The following AKNAD1 variants were observed in gnomAD, a reference collection of about 807,000 sequenced individuals.
The protein encoded by AKNAD1 is protein AKNAD1.
A neutral mutation model predicts 90.8 loss-of-function variants in AKNAD1; 67 were observed. The observed-to-expected ratio is 0.74, with a 90% CI of 0.61 to 0.90. The LOEUF (loss-of-function observed/expected upper bound fraction) is 0.90, where lower values mean the gene tolerates loss of function less well. Ranked by LOEUF, AKNAD1 falls within the 40% of genes least tolerant of loss-of-function variation. The probability of loss-of-function intolerance (pLI) is 0.00; values close to 1 mark genes in which losing one functional copy is unlikely to be tolerated. For synonymous variants in AKNAD1, 327 were observed against 341.4 expected (o/e 0.96, Z 0.46); for missense variants, 957 against 975.4 (o/e 0.98, Z 0.25).
chr1:108,851,455 ATT>A (rs1186313276), intron 2 of AKNAD1, among the ~76,000 whole-genome samples: 1 of 152,038 alleles, frequency 6.6e-6, no homozygotes, highest in African/African-American at 2.4e-5. Flanking sequence ...CGGAATTTGG[ATT>A]TTATTCTCTT....
At position 108,823,355 on chromosome 1, in the gene AKNAD1, A is replaced by G; in HGVS notation, c.2167+15T>C. On this transcript the variant is annotated intron_variant, in intron 13 of 15. Coordinates refer to ENST00000370001, the MANE Select transcript of AKNAD1 (RefSeq NM_152763.5). ...GTTGTTGATATGGATGGGGTCATGC[A>G]GGAGATGTACTTACAGGGTGAAGAG... 6.4e-7 allele frequency: 1 copy of G among 1,561,998 alleles called. No homozygotes were observed. The highest frequency in any genetic ancestry group is 8.8e-7 in the Non-Finnish European group (1 of 1,132,364).
At chr1:108,829,252 G>T (rs11102515) in intron 10 of AKNAD1, among the ~76,000 whole-genome samples, 43,545 of 151,246 alleles carry the variant, frequency 0.29, 7,126 homozygotes, top group African/African-American at 0.41. Context: ...ACACTTGGTT[G>T]TGCTTGTCTT....
At position 108,851,743 on chromosome 1, in the gene AKNAD1, C is replaced by G; in HGVS notation, c.922G>C (p.Glu308Gln). The G allele has an allele frequency of 6.2e-7, 1 of 1,610,254 alleles. No homozygotes were observed. The highest frequency in any genetic ancestry group is 8.5e-7 in the Non-Finnish European group (1 of 1,179,030). ...LVQDSLETTPESNCVEKQHQE... is the reference protein window; with the variant it reads ...LVQDSLETTPQSNCVEKQHQE... Reference sequence around the variant, plus strand: ...TGTTGTTTTTCAACACAGTTTGACTCAGGCGTGGTTTCTAGACTATCTTGC... The same window carrying G: ...TGTTGTTTTTCAACACAGTTTGACTGAGGCGTGGTTTCTAGACTATCTTGC... The change falls in exon 2 of 16, where the codon GAG (glutamate) becomes CAG (glutamine). Residue 308 changes from glutamate to glutamine, a missense_variant. Glu to Gln is a conservative substitution (Grantham distance 29). Transcript: ENST00000370001.
At chr1:108,844,864 G>A (rs1664658250) in intron 5 of AKNAD1, among the ~76,000 whole-genome samples, 2 of 151,168 alleles carry the variant, frequency 1.3e-5, no homozygotes, top group African/African-American at 2.4e-5. Flanking sequence ...TGTCACCCAG[G>A]CTGGAGTGCA....
rs961305569 is a variant in AKNAD1, at chr1:108,834,495, G to A, written c.1698C>T (p.Ala566=). ...YLNGHYGDAA[A]QNKPDQVAMR... ...TGGCCACTTGGTCTGGCTTGTTCTGGGCAGCTGCATCTCCATAATGACCGT... is the reference window on the plus strand; with the variant it reads ...TGGCCACTTGGTCTGGCTTGTTCTGAGCAGCTGCATCTCCATAATGACCGT... Residue 566 remains alanine, a synonymous_variant, in exon 9 of 16, where the codon GCC becomes GCT. Coordinates refer to ENST00000370001, the MANE Select transcript of AKNAD1 (RefSeq NM_152763.5). 3.7e-6 allele frequency: 6 copies of A among 1,610,454 alleles called. No homozygotes were observed. The Admixed American group carries it at 8.4e-5, about 23-fold the overall frequency.
chr1:108,834,574 T>A, intron 8 of AKNAD1, 46 bp from the exon 9 acceptor site: 1 of 1,513,922 alleles, frequency 6.6e-7, no homozygotes, highest in Non-Finnish European at 8.9e-7. Flanking sequence ...GAATCAGTTC[T>A]TGAGCTACCT....
chr1:108,849,679 T>A, intron 2 of AKNAD1, 103 bp from the exon 3 acceptor site: 2 of 845,152 alleles, frequency 2.4e-6, no homozygotes, highest in Admixed American at 4.3e-5. Flanking sequence ...GGAGCCCAGG[T>A]TTGCAGTCAA....
At chr1:108,832,530 GC>G (rs1279251624) in intron 9 of AKNAD1, among the ~76,000 whole-genome samples, 6 of 152,138 alleles carry the variant, frequency 3.9e-5, no homozygotes, top group Non-Finnish European at 5.9e-5. Context: ...CGGCCAGTAT[GC>G]TTGTGTTCTT....
intron 5 of AKNAD1, 89 bp downstream of exon 5, chr1:108,848,663 T>TAG (rs1187483515): frequency 8.4e-7 from 1 of 1,196,388 alleles, no homozygotes; most frequent in Non-Finnish European, 1.2e-6. Context: ...CCCACCACTG[T>TAG]AGAGAAAACA....
At chr1:108,832,615 T>A (rs776836731) in intron 9 of AKNAD1, among the ~76,000 whole-genome samples, 2 of 152,236 alleles carry the variant, frequency 1.3e-5, no homozygotes, top group Non-Finnish European at 1.5e-5. Context: ...GAACATTATT[T>A]GCCCTTAATA....
At chr1:108,832,863 C>T (rs530084084) in intron 9 of AKNAD1, among the ~76,000 whole-genome samples, 3 of 152,300 alleles carry the variant, frequency 2.0e-5, no homozygotes, top group African/African-American at 7.2e-5. Context: ...GGGACACCAA[C>T]ATTCCCACGC....
chr1:108,837,772 A>G, intron 6 of AKNAD1, 66 bp from the exon 7 acceptor site: 3 of 1,524,908 alleles, frequency 2.0e-6, no homozygotes, highest in Non-Finnish European at 2.7e-6. Context: ...TAATAATGAC[A>G]GTTCTTGAAT....
intron 5 of AKNAD1, among the ~76,000 whole-genome samples, chr1:108,847,414 C>T (rs996943921): frequency 6.6e-6 from 1 of 150,384 alleles, no homozygotes; most frequent in Non-Finnish European, 1.5e-5. Flanking sequence ...CACCACTGCA[C>T]TCTAGCATGA....
chr1:108,831,472 C>T (rs372032134), intron 9 of AKNAD1, among the ~76,000 whole-genome samples: 13 of 152,172 alleles, frequency 8.5e-5, no homozygotes, highest in Admixed American at 2.6e-4. Context: ...ACAGTGTGGA[C>T]GGCTCAGTTT....
intron 2 of AKNAD1, 91 bp downstream of exon 2, chr1:108,851,581 A>G: frequency 1.5e-6 from 2 of 1,309,826 alleles, no homozygotes; most frequent in South Asian, 3.2e-5. Flanking sequence ...TTGGAACTAG[A>G]ACCAAGCTCT....
intron 6 of AKNAD1, among the ~76,000 whole-genome samples, chr1:108,838,535 T>A (rs1664449291): frequency 1.3e-5 from 2 of 151,666 alleles, no homozygotes; most frequent in South Asian, 4.1e-4. Flanking sequence ...CAAAAATCAA[T>A]CAACTATTTA....
intron 9 of AKNAD1, among the ~76,000 whole-genome samples, chr1:108,832,211 CT>C (rs35868464): frequency 0.12 from 10,717 of 91,608 alleles, 182 homozygotes; most frequent in African/African-American, 0.18. Context: ...ATGCTGTGTT[CT>C]TTTTTTTTTT....
At position 108,830,654 on chromosome 1, in the gene AKNAD1, C is replaced by A. The variant is rs201555708; in HGVS notation, c.1747-4G>T. On this transcript the variant is annotated splice_polypyrimidine_tract_variant and splice_region_variant and intron_variant, in intron 9 of 15. Coordinates refer to ENST00000370001, the MANE Select transcript of AKNAD1 (RefSeq NM_152763.5). ...TTGGAGTGCCGTTGGGATCCTCCTG[C>A]GCCACAAAGCACACAGATGGAGATG... The A allele has an allele frequency of 6.6e-5, 106 of 1,613,828 alleles. 1 individual carries two copies. The Middle Eastern group carries it at 2.0e-3, about 30-fold the overall frequency.
In AKNAD1 at chr1:108,852,145, G is replaced by T. The variant is rs1220544875; in HGVS notation, c.520C>A (p.Pro174Thr). 1.2e-6 allele frequency: 2 copies of T among 1,613,940 alleles called. No individual in the cohort carries two copies. Among genetic ancestry groups the T allele is most frequent in the Non-Finnish European group, 1.7e-6 (2 of 1,180,020 alleles). ...TTGCTGTTTTCACCATCCCTTTTCGGGTTGAGTTGGTCAGTGAGTTCTGGG... is the reference window on the plus strand; with the variant it reads ...TTGCTGTTTTCACCATCCCTTTTCGTGTTGAGTTGGTCAGTGAGTTCTGGG... ...QTPELTDQLN[P>T]KRDGENSNKP... Residue 174 changes from proline (P) to threonine (T), a missense_variant, in exon 2 of 16, where the codon CCG becomes ACG. Physicochemically the swap from Pro to Thr is conservative, Grantham distance 38 (BLOSUM62 -1). Transcript: ENST00000370001.
Sources: gnomAD v4.1 joint callset for allele counts (sites outside exome capture counted in the v4.1 genomes callset) on GRCh38, gnomAD v4.1.1 for gene constraint, MANE v1.5 for transcripts, NCBI Gene and HGNC (gene_info 2026-07-23, HGNC 2026-07-21) for gene names.